The following ACIN1 variants were observed in gnomAD, a reference collection of about 807,000 sequenced individuals.
The protein encoded by ACIN1 is apoptotic chromatin condensation inducer in the nucleus.
A neutral mutation model predicts 146.6 loss-of-function variants in ACIN1; 16 were observed. The ratio of observed to expected loss-of-function variants is 0.11; its 90% confidence interval spans 0.07 to 0.17. The LOEUF (loss-of-function observed/expected upper bound fraction) is 0.17, where lower values mean the gene tolerates loss of function less well. Among genes scored for constraint, ACIN1 ranks in the 10% least tolerant of loss-of-function variants. ACIN1 has a pLI of 1.00. For missense variants in ACIN1, 1,357 were observed against 1,609.3 expected (o/e 0.84, Z 2.68); for synonymous variants, 569 against 582.7 (o/e 0.98, Z 0.34).
At chr14:23,085,610 A>G (rs1473546138) in intron 4 of ACIN1, among the ~76,000 whole-genome samples, 1 of 152,182 alleles carries the variant, frequency 6.6e-6, no homozygotes, top group African/African-American at 2.4e-5. Context: ...TTTTGCAATA[A>G]AAGCAGAAAC....
chr14:23,086,358 T>C (rs2048091071), intron 4 of ACIN1, among the ~76,000 whole-genome samples: 1 of 152,220 alleles, frequency 6.6e-6, no homozygotes, highest in African/African-American at 2.4e-5. Flanking sequence ...GAGCTCTTTT[T>C]GAAAAAATTA....
At position 23,063,018 on chromosome 14, in the gene ACIN1, A is replaced by G; in HGVS notation, c.2794T>C (p.Ser932Pro). ...RSISQQKSGV[S>P]ITIDDPVRTA... ...CGGACTGGGTCATCAATGGTAATGG[A>G]AACTCCGGACTTCTGCTGGCTAATG... Residue 932 changes from serine (S) to proline (P), a missense_variant, in exon 14 of 19, where the codon TCC becomes CCC. This residue lies in a region of ACIN1 where 509 missense variants were observed against 719.6 expected (regional missense o/e 0.71). Transcript: ENST00000605057. The G allele has an allele frequency of 6.2e-7, 1 of 1,613,962 alleles. No individual in the cohort carries two copies. Among genetic ancestry groups the G allele is most frequent in the Non-Finnish European group, 8.5e-7 (1 of 1,179,990 alleles).
chr14:23,070,163 C>T (rs1368659830), intron 8 of ACIN1, among the ~76,000 whole-genome samples: 10 of 120,406 alleles, frequency 8.3e-5, no homozygotes, highest in African/African-American at 3.3e-4. Context: ...TGCTGATCCT[C>T]AGGATCTGGA....
chr14:23,070,888 C>A (rs186495945), intron 8 of ACIN1, among the ~76,000 whole-genome samples: 1 of 152,020 alleles, frequency 6.6e-6, no homozygotes, highest in Non-Finnish European at 1.5e-5. Flanking sequence ...CAGAGAAACA[C>A]GAGATTTAGC....
In ACIN1 at chr14:23,061,618, T is replaced by C. The variant is rs2047283702; in HGVS notation, c.3104A>G (p.Asp1035Gly). The C allele has an allele frequency of 6.5e-7, 1 of 1,530,432 alleles. No homozygotes were observed. Among genetic ancestry groups the C allele is most frequent in the African/African-American group, 1.4e-5 (1 of 72,586 alleles). The allele number at this position is 1,530,432 out of a possible 1,614,324, so 94.8% of individuals were successfully genotyped here. The change falls in exon 17 of 19, where the codon GAT becomes GGT. Residue 1035 changes from aspartate to glycine, a missense_variant. Coordinates refer to ENST00000605057, the MANE Select transcript of ACIN1 (RefSeq NM_001386863.1). The part of the protein sequence containing the change: ...CADYAEQDEL[D>G]YHRGLLVDRP... The stretch of plus-strand genomic sequence containing the variant: ...GTCCACCAAGAGGCCTCGGTGATAA[T>C]CCAGCTGTGGGGAGAGGAGGGACAA...
At chr14:23,066,040 A>G (rs1276883744) in intron 9 of ACIN1, 32 bp from the exon 10 acceptor site, 16 of 1,601,244 alleles carry the variant, frequency 1.0e-5, no homozygotes, top group Non-Finnish European at 1.4e-5. Flanking sequence ...GAAAAAAAAG[A>G]GAAAGAGAGA....
rs372489443 is a variant in ACIN1 at position 23,081,113 on chromosome 14, T to C, written c.526-304A>G. Among the ~76,000 whole-genome samples the C allele has an allele frequency of 4.6e-5, 7 of 151,928 alleles. No homozygotes were observed. In the East Asian group the frequency reaches 1.4e-3, roughly 29 times the overall value. On this transcript the variant is annotated intron_variant, in intron 5 of 18. Coordinates refer to ENST00000605057, the MANE Select transcript of ACIN1 (RefSeq NM_001386863.1). Reference sequence around the variant, plus strand: ...AACATCTGGAAAGTAAAAGGGTGGATAGGGGGCTGAAAGGAACTAACCTAC... The same window carrying C: ...AACATCTGGAAAGTAAAAGGGTGGACAGGGGGCTGAAAGGAACTAACCTAC...
At chr14:23,072,104 T>C (rs759035596) in intron 8 of ACIN1, among the ~76,000 whole-genome samples, 3 of 152,120 alleles carry the variant, frequency 2.0e-5, no homozygotes, top group Non-Finnish European at 4.4e-5. Flanking sequence ...ATCCAATCAC[T>C]ACAGTAACTG....
At position 23,078,981 on chromosome 14, in the gene ACIN1, G is replaced by A. The variant is rs1051301044; in HGVS notation, c.1846C>T (p.Pro616Ser). 7 of 1,614,104 alleles carry A rather than the reference G, an allele frequency of 4.3e-6. No individual in the cohort carries two copies. In the African/African-American group the frequency reaches 9.3e-5, roughly 22 times the overall value. ...GTTGCAACCTCCTGACCAGAAGAGGGATCTTTGGTTTCAGTATAGCTGGTG... is the reference window on the plus strand; with the variant it reads ...GTTGCAACCTCCTGACCAGAAGAGGAATCTTTGGTTTCAGTATAGCTGGTG... ...SSTSYTETKD[P>S]SSGQEVATPP... The change falls in exon 7 of 19, where the codon CCC (proline) becomes TCC (serine). Residue 616 changes from proline (P) to serine (S), a missense_variant. By Grantham distance (74) the Pro-to-Ser change is moderately conservative. This residue lies in a region of ACIN1 where 771 missense variants were observed against 746.6 expected (regional missense o/e 1.03). Coordinates refer to ENST00000605057, the MANE Select transcript of ACIN1 (RefSeq NM_001386863.1).
Position 23,063,090 on chromosome 14 carries a change from C to A in ACIN1, c.2738-16G>T. ...CCTAAAGTCACTATCAAGAAGACCA[C>A]AAGAACAGCTTTTGGTAGGAAGCAA... is the stretch of plus-strand genomic sequence containing the variant. On this transcript the variant is annotated splice_polypyrimidine_tract_variant and intron_variant, in intron 13 of 18. Coordinates refer to ENST00000605057, the MANE Select transcript of ACIN1 (RefSeq NM_001386863.1). 1 of 1,591,084 alleles carries A rather than the reference C, an allele frequency of 6.3e-7. No homozygotes were observed. The highest frequency in any genetic ancestry group is 1.8e-5 in the Admixed American group (1 of 54,924).
chr14:23,078,037 G>A, intron 8 of ACIN1, 114 bp downstream of exon 8: 1 of 902,956 alleles, frequency 1.1e-6, no homozygotes, highest in Non-Finnish European at 1.7e-6. Flanking sequence ...ATAAAGCTCT[G>A]CCTTTATGTT....
chr14:23,095,577 G>A (rs1236496872), upstream of ACIN1: 1 of 420,630 alleles, frequency 2.4e-6, no homozygotes, highest in Non-Finnish European at 4.3e-6. Context: ...GGAGTCTAAG[G>A]ACTCGTGACA....
At chr14:23,095,526 G>A (rs777351302), upstream of ACIN1, 2 of 533,146 alleles carry the variant, frequency 3.8e-6, no homozygotes, top group Non-Finnish European at 6.5e-6. Context: ...GGCTGGCCCA[G>A]CTTAGGGTTT....
chr14:23,063,009 T>G lies in ACIN1; in HGVS notation c.2803A>C (p.Ile935Leu). The change falls in exon 14 of 19, where the codon ATT becomes CTT. Residue 935 changes from isoleucine (I) to leucine (L), a missense_variant. Transcript: ENST00000605057. ...SQQKSGVSIT[I>L]DDPVRTAQVP... The stretch of plus-strand genomic sequence containing the variant: ...TGGGCAGTTCGGACTGGGTCATCAA[T>G]GGTAATGGAAACTCCGGACTTCTGC... 6.2e-7 allele frequency: 1 copy of G among 1,613,974 alleles called. No homozygotes were observed. The highest frequency in any genetic ancestry group is 8.5e-7 in the Non-Finnish European group (1 of 1,179,974).
At chr14:23,063,209 A>T (rs1188193050) in intron 13 of ACIN1, 135 bp from the exon 14 acceptor site, 2 of 1,161,188 alleles carry the variant, frequency 1.7e-6, no homozygotes, top group Non-Finnish European at 2.4e-6. Context: ...GAGCACCTAT[A>T]ATCTGCAAAG....
At chr14:23,094,753 A>G (rs999208801) in intron 1 of ACIN1, 27 of 736,466 alleles carry the variant, frequency 3.7e-5, no homozygotes, top group Non-Finnish European at 5.6e-5. Flanking sequence ...AGTAGTGCAC[A>G]CCCTCCCATT....
chr14:23,064,486 C>A lies in ACIN1; in HGVS notation c.2311G>T (p.Ala771Ser). The change falls in exon 11 of 19, where the codon GCT (alanine) becomes TCT (serine). Residue 771 changes from alanine to serine, a missense_variant and splice_region_variant. Physicochemically the swap from Ala to Ser is moderately conservative, Grantham distance 99. Coordinates refer to ENST00000605057, the MANE Select transcript of ACIN1 (RefSeq NM_001386863.1). ...SFKRKISVVSATKGVPAGNSD... is the reference protein window; with the variant it reads ...SFKRKISVVSSTKGVPAGNSD... ...TTTCCAGCTGGCACCCCCTTGGTAGCTGCTGTCCCCAAGAAATAGACCCAA... is the reference window on the plus strand; with the variant it reads ...TTTCCAGCTGGCACCCCCTTGGTAGATGCTGTCCCCAAGAAATAGACCCAA... 6.2e-7 allele frequency: 1 copy of A among 1,614,062 alleles called. No homozygotes were observed. Among genetic ancestry groups the A allele is most frequent in the African/African-American group, 1.3e-5 (1 of 75,080 alleles).
At chr14:23,091,768 C>T (rs951885260) in intron 2 of ACIN1, among the ~76,000 whole-genome samples, 17 of 152,004 alleles carry the variant, frequency 1.1e-4, no homozygotes, top group African/African-American at 3.9e-4. Flanking sequence ...GGATTACAGA[C>T]ATGTGCCACC....
At chr14:23,060,566 G>A (rs2139983521) in intron 18 of ACIN1, among the ~76,000 whole-genome samples, 1 of 151,808 alleles carries the variant, frequency 6.6e-6, no homozygotes, top group East Asian at 1.9e-4. Context: ...AGGCTGGAGT[G>A]CAATGGCACG....
Sources: allele counts gnomAD v4.1 joint callset (sites outside exome capture counted in the v4.1 genomes callset), GRCh38; gene constraint gnomAD v4.1.1; regional missense constraint gnomAD v4.1.1; transcripts MANE v1.5; gene names NCBI Gene and HGNC (gene_info 2026-07-23, HGNC 2026-07-21).